CDH18: variants seen among roughly 807,000 people sequenced by gnomAD.
CDH18 encodes cadherin 18.
Under a neutral mutation model 67.9 loss-of-function variants are expected in CDH18, and 31 were observed. That is an observed-to-expected ratio of 0.46 (90% CI 0.34 to 0.62). CDH18 has a LOEUF of 0.62. CDH18 is among the 20% of genes least tolerant of loss of function. The pLI is 0.01. For missense variants in CDH18, 890 were observed against 975.5 expected, an observed-to-expected ratio of 0.91 and a Z score of 1.17; for synonymous variants, 362 against 347.2, an observed-to-expected ratio of 1.04 and a Z score of -0.48.
At chr5:19,686,199 T>C (rs907190168) in intron 5 of CDH18, among the ~76,000 whole-genome samples, 8 of 152,042 alleles carry the variant, frequency 5.3e-5, no homozygotes, top group African/African-American at 1.2e-4. Flanking sequence ...GTAAAAATCA[T>C]AGGACTTATG....
At chr5:20,335,899 A>T (rs561671108) in intron 1 of CDH18, among the ~76,000 whole-genome samples, 101 of 152,360 alleles carry the variant, frequency 6.6e-4, no homozygotes, top group African/African-American at 2.3e-3. Flanking sequence ...GAATATTCTT[A>T]AAAATGATTT....
chr5:19,966,066 T>C (rs1300087868), intron 2 of CDH18, among the ~76,000 whole-genome samples: 2 of 152,196 alleles, frequency 1.3e-5, no homozygotes, highest in Non-Finnish European at 2.9e-5. Context: ...TTGTGTGAGT[T>C]TGAACTTCGT....
intron 1 of CDH18, among the ~76,000 whole-genome samples, chr5:20,377,624 G>A (rs929841319): frequency 1.6e-4 from 24 of 152,266 alleles, no homozygotes; most frequent in African/African-American, 4.8e-4. Flanking sequence ...TTTTGGAACC[G>A]TATTTGGTAC....
chr5:20,123,874 G>C (rs937975496), intron 2 of CDH18, among the ~76,000 whole-genome samples: 1 of 128,718 alleles, frequency 7.8e-6, no homozygotes, highest in Admixed American at 8.8e-5. Context: ...GAGACAGAGC[G>C]AGACTCCGTC....
intron 1 of CDH18, among the ~76,000 whole-genome samples, chr5:20,374,759 A>G (rs1254784157): frequency 6.6e-6 from 1 of 152,128 alleles, no homozygotes; most frequent in Non-Finnish European, 1.5e-5. Context: ...AATTCCAACA[A>G]TAATGACAAT....
At chr5:19,873,583 G>C (rs1462379457) in intron 2 of CDH18, among the ~76,000 whole-genome samples, 1 of 152,072 alleles carries the variant, frequency 6.6e-6, no homozygotes, top group East Asian at 1.9e-4. Context: ...TGAAGCCTTT[G>C]GAAACCTAAG....
At chr5:20,436,210 G>T (rs1450882610) in intron 1 of CDH18, among the ~76,000 whole-genome samples, 1 of 151,968 alleles carries the variant, frequency 6.6e-6, no homozygotes, top group Non-Finnish European at 1.5e-5. Context: ...TCCAGATAAT[G>T]AAGTAACATT....
intron 1 of CDH18, among the ~76,000 whole-genome samples, chr5:20,300,850 C>T (rs1747923938): frequency 6.6e-6 from 1 of 152,152 alleles, no homozygotes; most frequent in Admixed American, 6.5e-5. Flanking sequence ...TAAAACATAG[C>T]ATTTTCCCTA....
Position 19,524,454 on chromosome 5 carries a change from AAACT to A in CDH18, c.1391-3680_1391-3677del, listed in dbSNP as rs560208900. Among the ~76,000 whole-genome samples, 388 of 151,788 alleles carry A rather than the reference AAACT, an allele frequency of 2.6e-3. 2 individuals carry two copies. The highest frequency in any genetic ancestry group is 8.9e-3 in the African/African-American group (370 of 41,480). On this transcript the variant is annotated intron_variant, in intron 9 of 12. Coordinates refer to ENST00000382275, the MANE Select transcript of CDH18 (RefSeq NM_004934.5). ...TTTATTTTGTTATTACATTATTTCAAAACTAACATAATAATTAGTCAAAATGCTT... is the reference window on the plus strand; with the variant it reads ...TTTATTTTGTTATTACATTATTTCAAAACATAATAATTAGTCAAAATGCTT...
intron 1 of CDH18, among the ~76,000 whole-genome samples, chr5:20,394,806 C>T (rs997350957): frequency 7.2e-5 from 11 of 151,822 alleles, no homozygotes; most frequent in Non-Finnish European, 1.3e-4. Context: ...AGAAGACATA[C>T]AAATGGCCAA....
At chr5:20,478,038 C>T (rs1191131301) in intron 1 of CDH18, among the ~76,000 whole-genome samples, 3 of 152,110 alleles carry the variant, frequency 2.0e-5, no homozygotes, top group African/African-American at 7.2e-5. Flanking sequence ...AGGACTCAGA[C>T]CTAGAAGGAT....
chr5:19,886,549 G>A (rs1374854242), intron 2 of CDH18, among the ~76,000 whole-genome samples: 1 of 152,146 alleles, frequency 6.6e-6, no homozygotes, highest in Non-Finnish European at 1.5e-5. Context: ...CCTGAGATTT[G>A]CTGTGTTTCC....
chr5:20,195,656 T>C (rs1738915004), intron 2 of CDH18, among the ~76,000 whole-genome samples: 2 of 152,082 alleles, frequency 1.3e-5, no homozygotes, highest in African/African-American at 4.8e-5. Flanking sequence ...AATTTATGTT[T>C]ACTCTAAAAA....
intron 2 of CDH18, among the ~76,000 whole-genome samples, chr5:20,232,194 T>C (rs1472634841): frequency 1.3e-5 from 2 of 152,024 alleles, no homozygotes; most frequent in African/African-American, 4.8e-5. Flanking sequence ...AGAAGGACTC[T>C]ATAGTTGACC....
chr5:20,481,298 A>C (rs1287881179), intron 1 of CDH18, among the ~76,000 whole-genome samples: 1 of 152,134 alleles, frequency 6.6e-6, no homozygotes, highest in Non-Finnish European at 1.5e-5. Flanking sequence ...TTGTAAATAC[A>C]TATGCAGTCA....
chr5:20,493,799 G>T (rs1329848100), intron 1 of CDH18, among the ~76,000 whole-genome samples: 1 of 152,036 alleles, frequency 6.6e-6, no homozygotes, highest in Non-Finnish European at 1.5e-5. Context: ...TGCCAGGATG[G>T]GTGGATGCAA....
At chr5:20,016,980 G>A (rs915623627) in intron 2 of CDH18, among the ~76,000 whole-genome samples, 4 of 151,866 alleles carry the variant, frequency 2.6e-5, no homozygotes, top group Admixed American at 1.3e-4. Flanking sequence ...GTTCATTGTC[G>A]TTTTCTTCTA....
chr5:19,739,870 C>G (rs1486754002), intron 4 of CDH18, among the ~76,000 whole-genome samples: 1 of 152,056 alleles, frequency 6.6e-6, no homozygotes, highest in Non-Finnish European at 1.5e-5. Context: ...AGAACTAAAT[C>G]AGCGCTCCAA....
At chr5:20,503,773 C>T (rs897691203) in intron 1 of CDH18, among the ~76,000 whole-genome samples, 2 of 152,084 alleles carry the variant, frequency 1.3e-5, no homozygotes, top group Non-Finnish European at 2.9e-5. Flanking sequence ...TGCGGTGGCT[C>T]ACGCCTGTAA....
Sources: allele counts gnomAD v4.1 joint callset (sites outside exome capture counted in the v4.1 genomes callset), GRCh38; gene constraint gnomAD v4.1.1; transcripts MANE v1.5; gene names NCBI Gene and HGNC (gene_info 2026-07-23, HGNC 2026-07-21).